Variants in MTRF1 observed in about 807,000 individuals in gnomAD.
The protein encoded by MTRF1 is mitochondrial translation release factor 1.
Under a neutral mutation model 62.9 loss-of-function variants are expected in MTRF1, and 51 were observed. That is an observed-to-expected ratio of 0.81 (90% CI 0.65 to 1.02). MTRF1 has a LOEUF of 1.02. MTRF1 is among the 50% of genes least tolerant of loss of function. MTRF1 has a pLI of 0.00. For synonymous variants in MTRF1, 158 were observed against 181.9 expected (o/e 0.87, Z 1.06); for missense variants, 446 against 530.0 (o/e 0.84, Z 1.56).
rs1272889741 is a variant in MTRF1, at chr13:41,260,674, A to G, written c.234T>C (p.Tyr78=). 2.2e-5 allele frequency: 36 copies of G among 1,614,146 alleles called. No individual in the cohort carries two copies. Among genetic ancestry groups the G allele is most frequent in the Non-Finnish European group, 2.9e-5 (34 of 1,180,018 alleles). Residue 78 remains tyrosine, a synonymous_variant, in exon 2 of 10, where the codon TAT becomes TAC. Coordinates refer to ENST00000379480, the MANE Select transcript of MTRF1 (RefSeq NM_004294.4). ...GGTACTCCTTACTCAGGTTCTCCAT[A>G]TATTTCTGTAGTGCTTTATGCTTCC... ...MLWKHKALQK[Y]MENLSKEYQT...
upstream of MTRF1, among the ~76,000 whole-genome samples, chr13:41,264,276 G>A (rs906825765): frequency 2.0e-5 from 3 of 152,186 alleles, no homozygotes; most frequent in Non-Finnish European, 4.4e-5. Context: ...ACATGTTAGT[G>A]ATTTTATAAT....
intron 5 of MTRF1, among the ~76,000 whole-genome samples, chr13:41,250,204 T>C (rs906415933): frequency 6.6e-5 from 10 of 152,174 alleles, no homozygotes; most frequent in African/African-American, 2.4e-4. Flanking sequence ...TGCTGCTGTT[T>C]CTTCTTACAT....
intron 9 of MTRF1, chr13:41,220,481 T>A: frequency 1.2e-6 from 1 of 807,146 alleles, no homozygotes; most frequent in South Asian, 1.4e-5. Flanking sequence ...TGTGAAACAA[T>A]ACATTATATG....
At chr13:41,299,344 T>G in the MTRF1 span, among the ~76,000 whole-genome samples, 1 of 152,190 alleles carries the variant, frequency 6.6e-6, no homozygotes, top group African/African-American at 2.4e-5. Flanking sequence ...AGAGGCTAAG[T>G]ACCATTGAAA....
At chr13:41,290,094 T>C in the MTRF1 span, among the ~76,000 whole-genome samples, 1 of 134,018 alleles carries the variant, frequency 7.5e-6, no homozygotes, top group African/African-American at 2.8e-5. Context: ...TAGTTCTTTT[T>C]TTTTTTTTTT....
At chr13:41,250,792 G>A (rs562200009) in intron 5 of MTRF1, among the ~76,000 whole-genome samples, 1 of 152,298 alleles carries the variant, frequency 6.6e-6, no homozygotes, top group African/African-American at 2.4e-5. Flanking sequence ...CTAAGTGGAT[G>A]CTCACTATAA....
the MTRF1 span, among the ~76,000 whole-genome samples, chr13:41,299,207 AAGAG>A: frequency 6.6e-6 from 1 of 151,620 alleles, no homozygotes; most frequent in Non-Finnish European, 1.5e-5. Context: ...AGAAAAAAAA[AAGAG>A]AGAGAGAGAG....
At chr13:41,293,403 A>G in the MTRF1 span, among the ~76,000 whole-genome samples, 1 of 152,210 alleles carries the variant, frequency 6.6e-6, no homozygotes, top group Admixed American at 6.5e-5. Flanking sequence ...TTGTCAGCAT[A>G]CACTTTGCCT....
chr13:41,221,483 T>A (rs1336464351), intron 9 of MTRF1, among the ~76,000 whole-genome samples: 1 of 152,192 alleles, frequency 6.6e-6, no homozygotes, highest in Non-Finnish European at 1.5e-5. Context: ...CTAGTCTCTT[T>A]ACTGTCCTTC....
At chr13:41,301,635 C>G in the MTRF1 span, among the ~76,000 whole-genome samples, 172 of 152,092 alleles carry the variant, frequency 1.1e-3, no homozygotes, top group South Asian at 0.017. Flanking sequence ...ATAATCCCAG[C>G]TACTTGGGAG....
chr13:41,302,717 G>A, the MTRF1 span, among the ~76,000 whole-genome samples: 2 of 151,856 alleles, frequency 1.3e-5, no homozygotes, highest in East Asian at 3.9e-4. Flanking sequence ...GTAGAGATGG[G>A]GCCTCCTTAT....
chr13:41,277,945 T>A, the MTRF1 span, among the ~76,000 whole-genome samples: 39 of 152,228 alleles, frequency 2.6e-4, no homozygotes, highest in Admixed American at 2.6e-3. Flanking sequence ...AAAGACCAAA[T>A]GTATATTTCA....
chr13:41,281,258 C>T, the MTRF1 span, among the ~76,000 whole-genome samples: 4 of 152,196 alleles, frequency 2.6e-5, no homozygotes, highest in East Asian at 1.9e-4. Context: ...GAGATTTTCC[C>T]GCTCACTGTT....
At chr13:41,286,182 C>T in the MTRF1 span, among the ~76,000 whole-genome samples, 2 of 151,144 alleles carry the variant, frequency 1.3e-5, no homozygotes, top group Non-Finnish European at 2.9e-5. Flanking sequence ...AATCCTCACA[C>T]AACTTTTTGC....
chr13:41,233,561 G>A (rs1191092443), intron 7 of MTRF1, among the ~76,000 whole-genome samples: 1 of 152,144 alleles, frequency 6.6e-6, no homozygotes, highest in East Asian at 1.9e-4. Flanking sequence ...CATGCTACAA[G>A]GTGACAGAAT....
chr13:41,261,793 CT>C, intron 1 of MTRF1: 2 of 985,278 alleles, frequency 2.0e-6, no homozygotes, highest in Non-Finnish European at 2.4e-6. Context: ...TGTGCAATCA[CT>C]TTTCAAAAAT....
At chr13:41,262,009 A>C (rs1372290539) in intron 1 of MTRF1, 3 of 153,198 alleles carry the variant, frequency 2.0e-5, no homozygotes, top group African/African-American at 7.3e-5. Flanking sequence ...AAAAGCACAT[A>C]GAGTATTTTT....
At chr13:41,295,769 G>C in the MTRF1 span, among the ~76,000 whole-genome samples, 1 of 151,794 alleles carries the variant, frequency 6.6e-6, no homozygotes, top group Non-Finnish European at 1.5e-5. Flanking sequence ...TTTGTTTTTC[G>C]GATTTTTGTT....
At chr13:41,292,580 C>CAA in the MTRF1 span, among the ~76,000 whole-genome samples, 2,779 of 60,164 alleles carry the variant, frequency 0.046, 67 homozygotes, top group Non-Finnish European at 0.062. Flanking sequence ...GATTCTGTCT[C>CAA]AAAAAAAAAA....
Sources: gnomAD v4.1 joint callset for allele counts (sites outside exome capture counted in the v4.1 genomes callset) on GRCh38, gnomAD v4.1.1 for gene constraint, MANE v1.5 for transcripts, NCBI Gene and HGNC (gene_info 2026-07-23, HGNC 2026-07-21) for gene names.